The following SHPRH variants were observed in gnomAD, a reference collection of about 807,000 sequenced individuals.
SHPRH encodes the protein SNF2 histone linker PHD RING helicase.
A neutral mutation model predicts 202.5 loss-of-function variants in SHPRH; 106 were observed. The observed-to-expected ratio is 0.52, with a 90% CI of 0.45 to 0.62. The LOEUF is 0.62. Ranked by LOEUF, SHPRH falls within the 20% of genes least tolerant of loss-of-function variation. The pLI is 0.00. For missense variants in SHPRH, 1,710 were observed against 2,020.0 expected (o/e 0.85, Z 2.94); for synonymous variants, 729 against 686.0 (o/e 1.06, Z -0.98).
At chr6:145,934,473 TAAATAAAATA>T (rs71552941) in intron 13 of SHPRH, among the ~76,000 whole-genome samples, 156 of 131,900 alleles carry the variant, frequency 1.2e-3, no homozygotes, top group African/African-American at 3.4e-3. Context: ...TCTCAAAAAA[TAAATAAAATA>T]AAATAAAATA....
At chr6:145,888,125 G>A in intron 28 of SHPRH, 25 bp from the exon 29 acceptor site, 1 of 1,538,668 alleles carries the variant, frequency 6.5e-7, no homozygotes, top group Non-Finnish European at 9.0e-7. Context: ...AGAATTTTAA[G>A]CTTAAAAACA....
At chr6:145,865,799 G>A (rs190405478) in intron 2 of SHPRH, among the ~76,000 whole-genome samples, 12 of 152,320 alleles carry the variant, frequency 7.9e-5, no homozygotes, top group Admixed American at 6.5e-4. Context: ...AGAATAGCAG[G>A]AAACCTCTGA....
downstream of SHPRH, among the ~76,000 whole-genome samples, chr6:145,860,222 C>T (rs1187728300): frequency 6.6e-6 from 1 of 151,856 alleles, no homozygotes; most frequent in African/African-American, 2.4e-5. Context: ...TTATATCATG[C>T]ACATAACATG....
chr6:145,880,270 T>C (rs1780502310), downstream of SHPRH, among the ~76,000 whole-genome samples: 1 of 152,178 alleles, frequency 6.6e-6, no homozygotes, highest in Non-Finnish European at 1.5e-5. Flanking sequence ...AAATTCATTA[T>C]TTAATATTAA....
chr6:145,921,071 G>A, intron 21 of SHPRH, 96 bp downstream of exon 21: 1 of 1,083,534 alleles, frequency 9.2e-7, no homozygotes, highest in African/African-American at 1.6e-5. Context: ...CTCAAAAGAA[G>A]ATTTTAAAAA....
intron 15 of SHPRH, 104 bp downstream of exon 15, chr6:145,927,085 T>C (rs961401600): frequency 6.1e-6 from 6 of 988,974 alleles, no homozygotes; most frequent in Non-Finnish European, 9.1e-6. Context: ...TTTCACCCAG[T>C]GATTATGACT....
downstream of SHPRH, chr6:145,883,518 T>TTTGA (rs1430648612): frequency 2.6e-5 from 4 of 152,236 alleles, no homozygotes; most frequent in Non-Finnish European, 5.9e-5. Context: ...TATCAATTAC[T>TTTGA]TACATAGCCT....
In SHPRH at chr6:145,933,192, T is replaced by TA. The variant is rs1384924303; in HGVS notation, c.2991-15dup. On this transcript the variant is annotated splice_polypyrimidine_tract_variant and intron_variant, in intron 13 of 29. Transcript: ENST00000275233. ...ATTGTCATGGTGCTAAAAGAAAAGG[T>TA]AGACTGTTCAAAACTAGAAAGAAAA... 1.6e-5 allele frequency: 26 copies of TA among 1,613,672 alleles called. No homozygotes were observed. Among genetic ancestry groups the TA allele is most frequent in the Non-Finnish European group, 1.8e-5 (21 of 1,179,860 alleles).
intron 4 of SHPRH, among the ~76,000 whole-genome samples, chr6:145,950,058 G>C (rs555514627): frequency 2.6e-5 from 4 of 152,160 alleles, no homozygotes; most frequent in South Asian, 4.1e-4. Context: ...AGAAAAACCA[G>C]TACAAACTTT....
rs563728997 is a variant in SHPRH, at chr6:145,878,184, T to C, written c.221+9836A>G. Among the ~76,000 whole-genome samples the C allele has an allele frequency of 6.6e-5, 10 of 152,318 alleles. No individual in the cohort carries two copies. The East Asian group carries it at 1.5e-3, about 24-fold the overall frequency. On this transcript the variant is annotated intron_variant, in intron 2 of 2. Transcript: ENST00000417762. ...CGAAAGTTTTAGGTTCACAGCAAAA[T>C]TGAGCAGAAAGTACACAGAGTTCTC...
chr6:145,889,587 A>T (rs1235473810), intron 28 of SHPRH, among the ~76,000 whole-genome samples: 3 of 152,132 alleles, frequency 2.0e-5, no homozygotes, highest in Admixed American at 2.0e-4. Context: ...ATTATTTAAA[A>T]TATTATATAA....
At chr6:145,961,942 A>G (rs1490355512) in intron 1 of SHPRH, among the ~76,000 whole-genome samples, 1 of 152,248 alleles carries the variant, frequency 6.6e-6, no homozygotes, top group Non-Finnish European at 1.5e-5. Context: ...GGCAACTAGT[A>G]AGTCAAGTAC....
chr6:145,942,178 T>A (rs545177278), intron 9 of SHPRH, among the ~76,000 whole-genome samples: 1 of 152,258 alleles, frequency 6.6e-6, no homozygotes, highest in African/African-American at 2.4e-5. Flanking sequence ...AAGGTTCTCA[T>A]AGGTGGCAAA....
chr6:145,960,295 A>T (rs891609820), intron 1 of SHPRH, among the ~76,000 whole-genome samples: 3 of 152,224 alleles, frequency 2.0e-5, no homozygotes, highest in African/African-American at 7.2e-5. Context: ...CACAGACCAA[A>T]GCAAGACATA....
At position 145,943,284 on chromosome 6, in the gene SHPRH, C is replaced by T. The variant is rs1362574673; in HGVS notation, c.2097G>A (p.Lys699=). ...CAAGGCAGTGGGGGCAGTAAAAAGG[C>T]TTGATCTTCAGATTTTTCTCATCAT... ...VNYDEKNLKI[K]PFYCPHCLVA... is the part of the protein sequence containing the mutation. Residue 699 remains lysine (K), a synonymous_variant, in exon 9 of 30, where the codon AAG becomes AAA. Transcript: ENST00000275233. The T allele has an allele frequency of 6.2e-7, 1 of 1,613,734 alleles. No homozygotes were observed. Among genetic ancestry groups the T allele is most frequent in the South Asian group, 1.1e-5 (1 of 91,080 alleles).
rs1468347155 is a variant in SHPRH at position 145,955,317 on chromosome 6, G to C, written c.6C>G (p.Ser2Arg). Residue 2 changes from serine to arginine, a missense_variant, in exon 2 of 30, where the codon AGC (serine) becomes AGG (arginine). Physicochemically the swap from Ser to Arg is moderately radical, Grantham distance 110. Coordinates refer to ENST00000275233, the MANE Select transcript of SHPRH (RefSeq NM_001042683.3). M[S>R]SRRKRAPPVR... is the part of the protein sequence containing the mutation. ...CTGGAGGAGCACGTTTCCGTCGGCT[G>C]CTCATTTTCAAGTTTTCTTGGCTGG... 1.3e-5 allele frequency: 21 copies of C among 1,591,154 alleles called. No individual in the cohort carries two copies. Among genetic ancestry groups the C allele is most frequent in the Non-Finnish European group, 1.8e-5 (21 of 1,171,060 alleles).
intron 14 of SHPRH, among the ~76,000 whole-genome samples, chr6:145,929,799 T>C (rs2128759269): frequency 6.6e-6 from 1 of 152,170 alleles, no homozygotes; most frequent in African/African-American, 2.4e-5. Flanking sequence ...TATATAATAA[T>C]AGGCCCTTTT....
At chr6:145,872,660 C>T (rs923515383) in intron 2 of SHPRH, among the ~76,000 whole-genome samples, 20 of 152,178 alleles carry the variant, frequency 1.3e-4, no homozygotes, top group Non-Finnish European at 2.8e-4. Context: ...GGCAGAAATA[C>T]CATTCTACCC....
chr6:145,904,035 T>C (rs575478797), intron 25 of SHPRH: 42 of 152,232 alleles, frequency 2.8e-4, no homozygotes, highest in African/African-American at 9.6e-4. Context: ...ATTCATTTTA[T>C]ATCTATGGTC....
Sources: allele counts gnomAD v4.1 joint callset (sites outside exome capture counted in the v4.1 genomes callset), GRCh38; gene constraint gnomAD v4.1.1; transcripts MANE v1.5; gene names NCBI Gene and HGNC (gene_info 2026-07-23, HGNC 2026-07-21).